The following GNAQ variants were observed in gnomAD, a reference collection of about 807,000 sequenced individuals.
GNAQ encodes the protein guanine nucleotide-binding protein G(q) subunit alpha.
In GNAQ, 8 loss-of-function variants were observed where a neutral mutation model predicts 43.9. The ratio of observed to expected loss-of-function variants is 0.18; its 90% CI spans 0.11 to 0.33. GNAQ has a LOEUF of 0.33. GNAQ is among the 10% of genes least tolerant of loss of function. The pLI is 1.00. For missense variants in GNAQ, 158 were observed against 450.8 expected, an observed-to-expected ratio of 0.35 and a Z score of 5.88; for synonymous variants, 155 against 170.7, an observed-to-expected ratio of 0.91 and a Z score of 0.71.
chr9:77,802,401 T>C lies in GNAQ; in HGVS notation c.477-4753A>G, dbSNP rs113581812. Among the ~76,000 whole-genome samples the C allele has an allele frequency of 1.5e-3, 229 of 152,222 alleles. 3 individuals carry two copies. The highest frequency in any genetic ancestry group is 5.3e-3 in the African/African-American group (220 of 41,530). On this transcript the variant is annotated intron_variant, in intron 3 of 6. Coordinates refer to ENST00000286548, the MANE Select transcript of GNAQ (RefSeq NM_002072.5). ...GCATGGTAAGAGTAGAACATCATCA[T>C]TTGATGGTCCTCGTCACATACTGAG... is the stretch of plus-strand genomic sequence containing the variant.
intron 1 of GNAQ, among the ~76,000 whole-genome samples, chr9:78,007,735 T>C (rs909941673): frequency 3.3e-5 from 5 of 152,200 alleles, no homozygotes; most frequent in Non-Finnish European, 5.9e-5. Context: ...TACTTCTCCA[T>C]CCAATCCCTA....
chr9:77,955,120 G>GT (rs1823026653), intron 1 of GNAQ, among the ~76,000 whole-genome samples: 1 of 152,146 alleles, frequency 6.6e-6, no homozygotes, highest in African/African-American at 2.4e-5. Context: ...CAAGATAAGT[G>GT]GGAGTGGGGA....
intron 5 of GNAQ, among the ~76,000 whole-genome samples, chr9:77,739,214 T>C (rs1291076950): frequency 6.6e-6 from 1 of 152,148 alleles, no homozygotes; most frequent in Non-Finnish European, 1.5e-5. Context: ...TGGCATGAAA[T>C]GACACATCAA....
intron 1 of GNAQ, among the ~76,000 whole-genome samples, chr9:77,956,347 CCTAG>C (rs2118398467): frequency 6.6e-6 from 1 of 152,278 alleles, no homozygotes; most frequent in African/African-American, 2.4e-5. Flanking sequence ...ATTTAAGATT[CCTAG>C]CTATCTTGTT....
intron 1 of GNAQ, among the ~76,000 whole-genome samples, chr9:77,977,713 T>TC (rs1823322029): frequency 6.6e-6 from 1 of 152,168 alleles, no homozygotes; most frequent in Non-Finnish European, 1.5e-5. Context: ...CAGCCCCTTA[T>TC]AGGAGGAACA....
chr9:77,897,115 C>A (rs1468002759), intron 2 of GNAQ, among the ~76,000 whole-genome samples: 1 of 152,202 alleles, frequency 6.6e-6, no homozygotes, highest in Non-Finnish European at 1.5e-5. Flanking sequence ...CCGTGCCAAA[C>A]CGGGGTAATT....
intron 1 of GNAQ, among the ~76,000 whole-genome samples, chr9:77,974,252 G>C (rs1024291121): frequency 1.8e-4 from 27 of 152,092 alleles, no homozygotes; most frequent in African/African-American, 6.5e-4. Context: ...GTCTGAAACA[G>C]GGACCCTCCA....
At chr9:77,849,314 A>G (rs930929189) in intron 2 of GNAQ, among the ~76,000 whole-genome samples, 2 of 152,170 alleles carry the variant, frequency 1.3e-5, no homozygotes, top group Admixed American at 6.5e-5. Context: ...AGAAATAATA[A>G]GAGTTTTTTT....
At chr9:77,868,968 C>A (rs1827992848) in intron 2 of GNAQ, among the ~76,000 whole-genome samples, 1 of 152,122 alleles carries the variant, frequency 6.6e-6, no homozygotes, top group Non-Finnish European at 1.5e-5. Flanking sequence ...GCCTGGGCAA[C>A]AGAGCAAGAC....
Position 77,738,905 on chromosome 9 carries a change from T to C in GNAQ, c.736-10238A>G, listed in dbSNP as rs75166180. On this transcript the variant is annotated intron_variant, in intron 5 of 6. Transcript: ENST00000286548. Reference sequence around the variant, plus strand: ...TTTTTTTTGTCAAATTCTTAAGTTATAGTGGGCTTAACTGTACTTCTACTG... The same window carrying C: ...TTTTTTTTGTCAAATTCTTAAGTTACAGTGGGCTTAACTGTACTTCTACTG... 3.6e-3 allele frequency among the ~76,000 whole-genome samples: 551 copies of C among 152,238 alleles called. 2 individuals are homozygous for C. Among genetic ancestry groups the C allele is most frequent in the African/African-American group, 0.013 (530 of 41,546 alleles).
intron 1 of GNAQ, among the ~76,000 whole-genome samples, chr9:78,004,107 G>T (rs1170831347): frequency 6.6e-6 from 1 of 151,662 alleles, no homozygotes; most frequent in Non-Finnish European, 1.5e-5. Context: ...TCTGCACCTC[G>T]CTGCCTGAGG....
At chr9:77,889,131 G>A (rs1828357577) in intron 2 of GNAQ, among the ~76,000 whole-genome samples, 1 of 151,822 alleles carries the variant, frequency 6.6e-6, no homozygotes, top group African/African-American at 2.4e-5. Flanking sequence ...CCTTAATCCT[G>A]AGGCTGGGCA....
chr9:77,909,511 T>G (rs1293493798), intron 2 of GNAQ, among the ~76,000 whole-genome samples: 1 of 152,178 alleles, frequency 6.6e-6, no homozygotes, highest in African/African-American at 2.4e-5. Context: ...AGTCTTCTTT[T>G]TAGTTCAAAA....
chr9:77,942,016 G>A (rs1281541717), intron 1 of GNAQ, among the ~76,000 whole-genome samples: 1 of 151,974 alleles, frequency 6.6e-6, no homozygotes, highest in Non-Finnish European at 1.5e-5. Context: ...TTATCTCTGG[G>A]TGGTAGGATG....
intron 1 of GNAQ, among the ~76,000 whole-genome samples, chr9:78,025,703 C>T (rs1311816042): frequency 1.3e-5 from 2 of 152,196 alleles, no homozygotes; most frequent in Non-Finnish European, 2.9e-5. Context: ...GCTTCTGTCT[C>T]TTCCAAGATG....
intron 2 of GNAQ, among the ~76,000 whole-genome samples, chr9:77,877,794 C>A (rs1048929534): frequency 6.6e-6 from 1 of 152,084 alleles, no homozygotes; most frequent in Non-Finnish European, 1.5e-5. Flanking sequence ...CAACGCAGAC[C>A]CATCTGCAAT....
intron 1 of GNAQ, among the ~76,000 whole-genome samples, chr9:77,975,801 G>C (rs1435131294): frequency 6.6e-6 from 1 of 152,114 alleles, no homozygotes; most frequent in Non-Finnish European, 1.5e-5. Context: ...CTCCCAAAGT[G>C]CTGGGATTAC....
intron 1 of GNAQ, chr9:78,030,687 AC>A: frequency 2.5e-6 from 1 of 403,008 alleles, no homozygotes. Flanking sequence ...TCCCCACGCC[AC>A]CACCCCATGG....
chr9:77,957,404 C>A (rs915535891), intron 1 of GNAQ, among the ~76,000 whole-genome samples: 2 of 151,868 alleles, frequency 1.3e-5, no homozygotes. Flanking sequence ...CAAAAAAACC[C>A]TTAATAATAA....
Sources: allele counts gnomAD v4.1 joint callset (sites outside exome capture counted in the v4.1 genomes callset), GRCh38; gene constraint gnomAD v4.1.1; transcripts MANE v1.5; gene names NCBI Gene and HGNC (gene_info 2026-07-23, HGNC 2026-07-21).